LINGO2: variants seen among roughly 807,000 people sequenced by gnomAD.
LINGO2 encodes leucine rich repeat and Ig domain containing 2.
A neutral mutation model predicts 30.6 loss-of-function variants in LINGO2; 14 were observed. The ratio of observed to expected loss-of-function variants is 0.46; its 90% CI spans 0.30 to 0.72. The LOEUF (loss-of-function observed/expected upper bound fraction) is 0.72. Ranked by LOEUF, LINGO2 falls within the 30% of genes least tolerant of loss-of-function variation. LINGO2 has a pLI of 0.07. For synonymous variants in LINGO2, 317 were observed against 288.5 expected (o/e 1.10, Z -1.00); for missense variants, 729 against 751.7 (o/e 0.97, Z 0.35).
chr9:28,057,813 G>C (rs1206340078), intron 4 of LINGO2, among the ~76,000 whole-genome samples: 1 of 151,548 alleles, frequency 6.6e-6, no homozygotes, highest in East Asian at 1.9e-4. Flanking sequence ...CTCTCTTCCG[G>C]CTACCCTTCA....
At chr9:28,873,855 C>T in the LINGO2 span, among the ~76,000 whole-genome samples, 1 of 151,866 alleles carries the variant, frequency 6.6e-6, no homozygotes, top group African/African-American at 2.4e-5. Context: ...ACCTCATTTA[C>T]ATTCCACCAT....
intron 3 of LINGO2, among the ~76,000 whole-genome samples, chr9:28,319,926 A>G (rs892947702): frequency 4.6e-4 from 70 of 152,262 alleles, no homozygotes; most frequent in African/African-American, 1.6e-3. Context: ...TCACTGAGTC[A>G]CCATGAATCT....
chr9:29,169,300 C>G, the LINGO2 span, among the ~76,000 whole-genome samples: 1 of 152,088 alleles, frequency 6.6e-6, no homozygotes, highest in Non-Finnish European at 1.5e-5. Context: ...ATGTTAGAGA[C>G]TATTTTAATA....
intron 1 of LINGO2, among the ~76,000 whole-genome samples, chr9:28,528,632 G>A (rs1359244798): frequency 6.6e-6 from 1 of 152,038 alleles, no homozygotes; most frequent in Admixed American, 6.6e-5. Context: ...TACATGAGTT[G>A]TACTACATAA....
At chr9:28,187,864 T>TAA (rs748062755) in intron 4 of LINGO2, among the ~76,000 whole-genome samples, 6 of 152,172 alleles carry the variant, frequency 3.9e-5, no homozygotes, top group South Asian at 2.1e-4. Context: ...AATTGTATAC[T>TAA]ATGAGTTGAA....
the LINGO2 span, among the ~76,000 whole-genome samples, chr9:28,996,490 T>A: frequency 1.3e-5 from 2 of 152,186 alleles, no homozygotes; most frequent in East Asian, 3.9e-4. Context: ...ATCTATGACA[T>A]TTCATTGCCT....
the LINGO2 span, among the ~76,000 whole-genome samples, chr9:28,709,877 C>T: frequency 6.6e-6 from 1 of 151,804 alleles, no homozygotes. Flanking sequence ...ATGCCAATGT[C>T]TCTTGATTTA....
At position 28,534,868 on chromosome 9, in the gene LINGO2, T is replaced by C. The variant is rs142667842; in HGVS notation, c.-364-58843A>G. Among the ~76,000 whole-genome samples the C allele has an allele frequency of 1.5e-4, 23 of 152,242 alleles. 1 individual carries two copies. The East Asian group carries it at 4.1e-3, about 27-fold the overall frequency. On this transcript the variant is annotated intron_variant, in intron 1 of 5. Transcript: ENST00000379992. ...TTCATGGCACATTATTCTGGAGTTTTGTCAAAAATTAAAACAGAGCTGCTC... is the reference window on the plus strand; with the variant it reads ...TTCATGGCACATTATTCTGGAGTTTCGTCAAAAATTAAAACAGAGCTGCTC...
chr9:28,914,711 G>T, the LINGO2 span, among the ~76,000 whole-genome samples: 1 of 152,170 alleles, frequency 6.6e-6, no homozygotes, highest in Admixed American at 6.5e-5. Context: ...ACTTGAGTAT[G>T]AGTAGATTTT....
intron 4 of LINGO2, among the ~76,000 whole-genome samples, chr9:28,156,551 A>G (rs1250169112): frequency 1.3e-5 from 2 of 152,244 alleles, no homozygotes; most frequent in African/African-American, 4.8e-5. Context: ...AATCTCAGGT[A>G]GATGGAAACA....
the LINGO2 span, among the ~76,000 whole-genome samples, chr9:29,086,439 A>G: frequency 6.6e-6 from 1 of 152,066 alleles, no homozygotes; most frequent in Admixed American, 6.6e-5. Flanking sequence ...AAAATCTGGA[A>G]ACCTGAGCAT....
the LINGO2 span, among the ~76,000 whole-genome samples, chr9:28,953,195 A>G: frequency 6.6e-6 from 1 of 152,166 alleles, no homozygotes; most frequent in African/African-American, 2.4e-5. Context: ...ATTTATCATT[A>G]CTACTGAGAT....
At chr9:28,814,309 C>T in the LINGO2 span, among the ~76,000 whole-genome samples, 23 of 151,994 alleles carry the variant, frequency 1.5e-4, no homozygotes, top group African/African-American at 5.1e-4. Flanking sequence ...TGGTGGTGCA[C>T]GCCTGTAGTC....
intron 5 of LINGO2, among the ~76,000 whole-genome samples, chr9:28,001,833 T>G (rs1821971837): frequency 6.6e-6 from 1 of 152,212 alleles, no homozygotes; most frequent in South Asian, 2.1e-4. Context: ...AAAAGGATGT[T>G]TACAACTTCT....
the LINGO2 span, among the ~76,000 whole-genome samples, chr9:29,128,664 G>GT: frequency 6.6e-6 from 1 of 152,044 alleles, no homozygotes; most frequent in African/African-American, 2.4e-5. Flanking sequence ...CAAAATTTTG[G>GT]TTCACAGCCT....
intron 2 of LINGO2, among the ~76,000 whole-genome samples, chr9:28,404,215 C>A (rs1433042082): frequency 6.6e-6 from 1 of 152,118 alleles, no homozygotes; most frequent in Non-Finnish European, 1.5e-5. Flanking sequence ...TCTTTCAGCA[C>A]ATGCTAATAA....
chr9:28,536,407 T>A (rs538586183), intron 1 of LINGO2, among the ~76,000 whole-genome samples: 5 of 152,240 alleles, frequency 3.3e-5, no homozygotes, highest in African/African-American at 1.2e-4. Flanking sequence ...ATTTTTCAGT[T>A]AAGTTAAAAG....
At chr9:28,998,993 G>T in the LINGO2 span, among the ~76,000 whole-genome samples, 138,858 of 152,044 alleles carry the variant, frequency 0.91, 63,534 homozygotes, top group Non-Finnish European at 0.93. Context: ...TACTAGTCAA[G>T]CAAACCATGA....
rs117319962 is a variant in LINGO2 at position 28,559,040 on chromosome 9, A to G, written c.-364-83015T>C. Among the ~76,000 whole-genome samples the G allele has an allele frequency of 5.9e-3, 893 of 152,260 alleles. 3 individuals are homozygous for G. The highest frequency in any genetic ancestry group is 0.012 in the Admixed American group (189 of 15,282). ...ATTGAAAGAAAAGTTCAGGTCCACT[A>G]TTAAATATAAGAATTGATAATAATG... is the stretch of plus-strand genomic sequence containing the variant. On this transcript the variant is annotated intron_variant, in intron 1 of 5. Transcript: ENST00000379992.
Sources: gnomAD v4.1 joint callset for allele counts (sites outside exome capture counted in the v4.1 genomes callset) on GRCh38, gnomAD v4.1.1 for gene constraint, MANE v1.5 for transcripts, NCBI Gene and HGNC (gene_info 2026-07-23, HGNC 2026-07-21) for gene names.